The following ERBB4 variants were observed in gnomAD, a reference collection of about 807,000 sequenced individuals.
ERBB4 encodes receptor tyrosine-protein kinase erbB-4.
Under a neutral mutation model 158.0 loss-of-function variants are expected in ERBB4, and 42 were observed. The observed-to-expected ratio is 0.27, with a 90% CI of 0.21 to 0.34. ERBB4 has a LOEUF of 0.34. Ranked by LOEUF, ERBB4 falls within the 10% of genes least tolerant of loss-of-function variation. ERBB4 has a pLI of 1.00. For missense variants in ERBB4, 1,333 were observed against 1,624.1 expected, an observed-to-expected ratio of 0.82 and a Z score of 3.08; for synonymous variants, 583 against 558.7, an observed-to-expected ratio of 1.04 and a Z score of -0.61.
chr2:211,734,658 C>T (rs1224255363), intron 5 of ERBB4, among the ~76,000 whole-genome samples: 3 of 145,048 alleles, frequency 2.1e-5, no homozygotes, highest in African/African-American at 7.8e-5. Context: ...CGGTGGCTCA[C>T]GGCTGTAATC....
intron 1 of ERBB4, among the ~76,000 whole-genome samples, chr2:212,309,652 A>G (rs12694269): frequency 0.11 from 17,002 of 150,600 alleles, 1,757 homozygotes; most frequent in African/African-American, 0.27. Context: ...TTCAATAACC[A>G]AATAACAATC....
chr2:211,505,737 G>A (rs988015874), intron 20 of ERBB4, among the ~76,000 whole-genome samples: 1 of 152,104 alleles, frequency 6.6e-6, no homozygotes, highest in Non-Finnish European at 1.5e-5. Flanking sequence ...GAGGCGGGTG[G>A]ATCACGAGGT....
intron 2 of ERBB4, among the ~76,000 whole-genome samples, chr2:211,992,564 AGAG>A (rs1319801684): frequency 1.5e-5 from 1 of 68,182 alleles, no homozygotes; most frequent in Admixed American, 1.6e-4. Context: ...AGAGAGAGAG[AGAG>A]AAAAAAAAAA....
At position 211,531,060 on chromosome 2, in the gene ERBB4, G is replaced by A. The variant is rs147497840; in HGVS notation, c.2487+30843C>T. Among the ~76,000 whole-genome samples the A allele has an allele frequency of 1.9e-3, 293 of 152,056 alleles. 2 individuals carry two copies. The highest frequency in any genetic ancestry group is 6.7e-3 in the African/African-American group (278 of 41,496). On this transcript the variant is annotated intron_variant, in intron 20 of 27. Transcript: ENST00000342788. ...ACAAAGGTACCAAGAACATACTTTG[G>A]GAAAACGACAGTCCCTTTTATAAAT...
At chr2:212,305,667 T>C (rs986720749) in intron 1 of ERBB4, among the ~76,000 whole-genome samples, 1 of 151,510 alleles carries the variant, frequency 6.6e-6, no homozygotes, top group African/African-American at 2.4e-5. Flanking sequence ...CTTCATTTGA[T>C]AGTTTTTATG....
At chr2:212,324,466 C>T (rs558920817) in intron 1 of ERBB4, among the ~76,000 whole-genome samples, 1 of 120,126 alleles carries the variant, frequency 8.3e-6, no homozygotes, top group Non-Finnish European at 1.7e-5. Flanking sequence ...AGCTTAGGAG[C>T]AGCGGGTTTT....
intron 2 of ERBB4, among the ~76,000 whole-genome samples, chr2:211,973,384 G>T (rs570287506): frequency 6.6e-6 from 1 of 152,064 alleles, no homozygotes; most frequent in African/African-American, 2.4e-5. Flanking sequence ...TGTATTTTTA[G>T]TAGAGACGGG....
Position 211,894,696 on chromosome 2 carries a change from A to C in ERBB4, c.421+52734T>G, listed in dbSNP as rs368588986. Among the ~76,000 whole-genome samples the C allele has an allele frequency of 1.1e-4, 17 of 152,244 alleles. No individual in the cohort carries two copies. The East Asian group carries it at 1.4e-3, about 12-fold the overall frequency. On this transcript the variant is annotated intron_variant, in intron 3 of 27. Coordinates refer to ENST00000342788, the MANE Select transcript of ERBB4 (RefSeq NM_005235.3). ...TATAGGATAGGGTGCTGATTGTCTT[A>C]TTCAATGACACCAAACTGTTGGTGA...
chr2:211,420,756 C>T, intron 24 of ERBB4, 145 bp from the exon 25 acceptor site: 1 of 725,040 alleles, frequency 1.4e-6, no homozygotes, highest in South Asian at 1.6e-5. Context: ...TTAGCACAAC[C>T]ACCGGCCATT....
rs530759465 is a variant in ERBB4 at position 211,600,827 on chromosome 2, A to G, written c.2301+18350T>C. 6.7e-4 allele frequency among the ~76,000 whole-genome samples: 102 copies of G among 152,242 alleles called. 2 individuals carry two copies. Among genetic ancestry groups the G allele is most frequent in the Middle Eastern group, 3.4e-3 (1 of 294 alleles). On this transcript the variant is annotated intron_variant, in intron 19 of 27. Coordinates refer to ENST00000342788, the MANE Select transcript of ERBB4 (RefSeq NM_005235.3). ...AAACTACTTGGAATCATCTGTAAAA[A>G]TGCTGGCAGCCAGATATGTAATTTA...
intron 1 of ERBB4, among the ~76,000 whole-genome samples, chr2:212,356,820 C>T (rs115717532): frequency 6.6e-6 from 1 of 151,952 alleles, no homozygotes; most frequent in Non-Finnish European, 1.5e-5. Context: ...ACCTATGATG[C>T]TATTTTTATG....
intron 19 of ERBB4, among the ~76,000 whole-genome samples, chr2:211,590,781 T>C (rs919918941): frequency 6.6e-6 from 1 of 152,194 alleles, no homozygotes; most frequent in Non-Finnish European, 1.5e-5. Flanking sequence ...CGGCTCTTTC[T>C]AGGCAGCAAG....
intron 2 of ERBB4, among the ~76,000 whole-genome samples, chr2:211,983,454 TAG>T (rs1176662350): frequency 1.3e-5 from 2 of 152,174 alleles, no homozygotes; most frequent in Non-Finnish European, 2.9e-5. Flanking sequence ...TGTATAGCTA[TAG>T]AGTTTATTCA....
intron 20 of ERBB4, among the ~76,000 whole-genome samples, chr2:211,473,470 T>A (rs1480336814): frequency 6.6e-6 from 1 of 152,078 alleles, no homozygotes; most frequent in Non-Finnish European, 1.5e-5. Context: ...GGAAAATAAA[T>A]CTTCTTTGAA....
intron 3 of ERBB4, among the ~76,000 whole-genome samples, chr2:211,858,394 A>G (rs2077926561): frequency 6.6e-6 from 1 of 152,222 alleles, no homozygotes; most frequent in Admixed American, 6.5e-5. Context: ...CAGTAAATTA[A>G]CTTCCCTAAA....
At chr2:211,711,882 G>A (rs1365915720) in intron 9 of ERBB4, among the ~76,000 whole-genome samples, 168 bp downstream of exon 9, 2 of 152,206 alleles carry the variant, frequency 1.3e-5, no homozygotes, top group Non-Finnish European at 2.9e-5. Context: ...TCCAAAACTA[G>A]TATACTGTCA....
chr2:211,705,264 T>A, intron 10 of ERBB4, 54 bp downstream of exon 10: 1 of 1,299,222 alleles, frequency 7.7e-7, no homozygotes, highest in Admixed American at 1.7e-5. Flanking sequence ...TCTTGTGTAA[T>A]TTTTAAAAAA....
chr2:211,710,602 T>C (rs1174534113), intron 9 of ERBB4, among the ~76,000 whole-genome samples: 2 of 152,118 alleles, frequency 1.3e-5, no homozygotes, highest in Non-Finnish European at 2.9e-5. Context: ...GGCTATGTCC[T>C]CATCAAAATA....
At chr2:211,816,464 C>T (rs2076881983) in intron 3 of ERBB4, among the ~76,000 whole-genome samples, 1 of 147,416 alleles carries the variant, frequency 6.8e-6, no homozygotes, top group South Asian at 2.1e-4. Context: ...TTACTTGAAT[C>T]CAGGAGGTGG....
Sources: allele counts gnomAD v4.1 joint callset (sites outside exome capture counted in the v4.1 genomes callset), GRCh38; gene constraint gnomAD v4.1.1; transcripts MANE v1.5; gene names NCBI Gene and HGNC (gene_info 2026-07-23, HGNC 2026-07-21).